Variants in PDE1A observed in about 807,000 individuals in gnomAD.
PDE1A encodes the protein phosphodiesterase 1A.
A neutral mutation model predicts 61.7 loss-of-function variants in PDE1A; 35 were observed. The ratio of observed to expected loss-of-function variants is 0.57; its 90% CI spans 0.43 to 0.75. PDE1A has a LOEUF of 0.75. Among genes scored for constraint, PDE1A ranks in the 30% least tolerant of loss-of-function variants. The pLI, the probability that PDE1A is intolerant of heterozygous loss-of-function variation, is 0.00. For synonymous variants in PDE1A, 232 were observed against 213.2 expected, an observed-to-expected ratio of 1.09 and a Z score of -0.77; for missense variants, 597 against 630.6, an observed-to-expected ratio of 0.95 and a Z score of 0.57.
intron 2 of PDE1A, among the ~76,000 whole-genome samples, chr2:182,492,860 T>C (rs1422981571): frequency 1.3e-5 from 2 of 152,178 alleles, no homozygotes; most frequent in Non-Finnish European, 2.9e-5. Context: ...ACAAGAGATA[T>C]CCACATACTA....
chr2:182,391,748 A>G (rs1701435048), intron 1 of PDE1A, among the ~76,000 whole-genome samples: 1 of 152,210 alleles, frequency 6.6e-6, no homozygotes, highest in African/African-American at 2.4e-5. Context: ...CATAATGAAC[A>G]GCAGAGGCAA....
chr2:182,564,091 G>C, the PDE1A span, among the ~76,000 whole-genome samples: 2 of 152,152 alleles, frequency 1.3e-5, no homozygotes, highest in Non-Finnish European at 2.9e-5. Context: ...ATTTGATCCT[G>C]TCATTTTGAT....
the PDE1A span, among the ~76,000 whole-genome samples, chr2:182,597,592 C>T: frequency 2.0e-5 from 3 of 152,074 alleles, no homozygotes; most frequent in African/African-American, 4.8e-5. Flanking sequence ...AGACCGTTTC[C>T]ACAATACCCA....
chr2:182,426,305 A>G (rs529682184), intron 1 of PDE1A, among the ~76,000 whole-genome samples: 166 of 152,378 alleles, frequency 1.1e-3, no homozygotes, highest in African/African-American at 3.9e-3. Context: ...TAGAGATTGC[A>G]TAACGTTTCC....
downstream of PDE1A, among the ~76,000 whole-genome samples, chr2:182,144,915 G>C (rs114426858): frequency 1.1e-4 from 17 of 152,132 alleles, no homozygotes; most frequent in African/African-American, 3.9e-4. Flanking sequence ...ATCTGCCAGA[G>C]CCAAAGAGTG....
At chr2:182,653,595 A>C in the PDE1A span, among the ~76,000 whole-genome samples, 2 of 152,310 alleles carry the variant, frequency 1.3e-5, no homozygotes, top group East Asian at 3.9e-4. Context: ...CAAGGAAGGA[A>C]ACCCATATCT....
the PDE1A span, among the ~76,000 whole-genome samples, chr2:182,551,992 G>C: frequency 1.3e-5 from 2 of 152,160 alleles, no homozygotes; most frequent in Non-Finnish European, 2.9e-5. Context: ...AGTCACAGGG[G>C]TGTGTGGTCT....
chr2:182,243,931 G>A (rs967584696), intron 2 of PDE1A, among the ~76,000 whole-genome samples: 5 of 152,040 alleles, frequency 3.3e-5, no homozygotes, highest in South Asian at 2.1e-4. Context: ...GCAATGGTGC[G>A]ATCTCGGCTC....
At chr2:182,235,385 G>A (rs1210055272) in intron 3 of PDE1A, among the ~76,000 whole-genome samples, 5 of 152,066 alleles carry the variant, frequency 3.3e-5, no homozygotes, top group Non-Finnish European at 4.4e-5. Context: ...CTCGTGATCC[G>A]CCCACATTGG....
exon 15 of PDE1A, chr2:182,141,882 G>A (rs1477009741): frequency 6.6e-6 from 1 of 152,148 alleles, no homozygotes; most frequent in East Asian, 1.9e-4. Flanking sequence ...TGCAATGCTT[G>A]TACAGTGAAA....
At chr2:182,716,220 C>T in the PDE1A span, 1 of 152,382 alleles carries the variant, frequency 6.6e-6, no homozygotes, top group Non-Finnish European at 1.5e-5. Context: ...GCAGCGTCCT[C>T]CACGCCTTTC....
At chr2:182,399,675 C>T (rs899195450) in intron 1 of PDE1A, among the ~76,000 whole-genome samples, 2 of 151,860 alleles carry the variant, frequency 1.3e-5, no homozygotes, top group African/African-American at 2.4e-5. Flanking sequence ...TTAAGTGAAA[C>T]CATTCTAGTA....
At chr2:182,319,305 T>C (rs1280879790) in intron 1 of PDE1A, among the ~76,000 whole-genome samples, 1 of 152,168 alleles carries the variant, frequency 6.6e-6, no homozygotes, top group Non-Finnish European at 1.5e-5. Context: ...ACTGTTAACT[T>C]TGACATGGAT....
chr2:182,421,963 G>A (rs998222986), intron 1 of PDE1A, among the ~76,000 whole-genome samples: 8 of 152,074 alleles, frequency 5.3e-5, no homozygotes, highest in African/African-American at 1.7e-4. Context: ...AAATATGCCT[G>A]CCAAATACAC....
the PDE1A span, among the ~76,000 whole-genome samples, chr2:182,560,962 G>T: frequency 4.0e-3 from 599 of 151,394 alleles, 2 homozygotes; most frequent in African/African-American, 0.013. Context: ...ATTAGCCCTT[G>T]GTCAGATGAG....
At chr2:182,441,521 T>C (rs1158208786) in intron 2 of PDE1A, among the ~76,000 whole-genome samples, 1 of 152,032 alleles carries the variant, frequency 6.6e-6, no homozygotes, top group Admixed American at 6.6e-5. Context: ...CTATAGGTTT[T>C]ATAAATATAA....
intron 2 of PDE1A, among the ~76,000 whole-genome samples, chr2:182,244,163 G>A (rs551569929): frequency 2.0e-5 from 3 of 152,190 alleles, no homozygotes; most frequent in Admixed American, 6.5e-5. Context: ...CACAACGCCC[G>A]GCCTTAATGG....
rs5836829 is a variant in PDE1A at position 182,169,965 on chromosome 2, TACAC to T, written c.1517-1679_1517-1676del. On this transcript the variant is annotated intron_variant, in intron 13 of 13. Transcript: ENST00000351439. ...TCTCCCTCTCTCTCTTTCTCTTTCA[TACAC>T]ACACACACACACACACACTCACACA... 1.2e-3 allele frequency among the ~76,000 whole-genome samples: 171 copies of T among 145,940 alleles called. 2 individuals are homozygous for T. The highest frequency in any genetic ancestry group is 2.0e-3 in the East Asian group (10 of 4,946).
intron 2 of PDE1A, among the ~76,000 whole-genome samples, chr2:182,476,139 T>A (rs905146596): frequency 6.6e-6 from 1 of 151,934 alleles, no homozygotes; most frequent in Non-Finnish European, 1.5e-5. Flanking sequence ...ATCACAACAA[T>A]AAATATGTAT....
Sources: gnomAD v4.1 joint callset for allele counts (sites outside exome capture counted in the v4.1 genomes callset) on GRCh38, gnomAD v4.1.1 for gene constraint, MANE v1.5 for transcripts, NCBI Gene and HGNC (gene_info 2026-07-23, HGNC 2026-07-21) for gene names.